Variants in MYO15B observed in about 807,000 individuals in gnomAD.
The protein encoded by MYO15B is myosin XVB pseudogene.
In MYO15B, 207 loss-of-function variants were observed where a neutral mutation model predicts 119.3. The observed-to-expected ratio is 1.73, with a 90% CI of 1.55 to 1.95. The LOEUF is 1.95. Among genes scored for constraint, MYO15B ranks in the 30% most tolerant of loss-of-function variants. The pLI, the probability that MYO15B is intolerant of heterozygous loss-of-function variation, is 0.00. For synonymous variants in MYO15B, 966 were observed against 498.9 expected (o/e 1.94, Z -12.48); for missense variants, 2,264 against 1,203.1 (o/e 1.88, Z -13.04).
intron 12 of MYO15B, among the ~76,000 whole-genome samples, chr17:75,596,216 G>C (rs1206503069): frequency 2.0e-5 from 3 of 152,198 alleles, no homozygotes; most frequent in Non-Finnish European, 2.9e-5. Flanking sequence ...GTGACAAGAG[G>C]CCCAAAGGCT....
chr17:75,614,218 C>A (rs752452488), exon 30 of MYO15B: 1 of 702,592 alleles, frequency 1.4e-6, no homozygotes, highest in South Asian at 1.5e-5. Flanking sequence ...GGCGCCTCCC[C>A]GGGGCTGGTC....
intron 6 of MYO15B, 26 bp downstream of exon 6, chr17:75,592,106 C>T (rs1262330686): frequency 5.7e-6 from 4 of 702,516 alleles, no homozygotes; most frequent in African/African-American, 1.7e-5. Context: ...GCAGGGGGCA[C>T]CTACAATCAC....
At chr17:75,621,404 C>A in exon 51 of MYO15B, 1 of 700,576 alleles carries the variant, frequency 1.4e-6, no homozygotes, top group Non-Finnish European at 2.6e-6. Flanking sequence ...GTGCAGTACA[C>A]CAAGGTGGGA....
chr17:75,601,984 C>G lies in MYO15B; in HGVS notation c.3651+421C>G, dbSNP rs375448020. On this transcript the variant is annotated intron_variant, in intron 15 of 63. Coordinates refer to ENST00000645453, the Ensembl canonical transcript of MYO15B. The stretch of plus-strand genomic sequence containing the variant: ...GGTGCTCACTGAATGGACTTCCCTT[C>G]CCCCTTCCGAGTTCTATGCCTACCA... 4.2e-4 allele frequency among the ~76,000 whole-genome samples: 64 copies of G among 152,252 alleles called. 1 individual carries two copies. Among genetic ancestry groups the G allele is most frequent in the African/African-American group, 1.4e-3 (59 of 41,540 alleles).
At chr17:75,599,034 C>T (rs1289585893) in intron 14 of MYO15B, among the ~76,000 whole-genome samples, 1 of 152,250 alleles carries the variant, frequency 6.6e-6, no homozygotes, top group East Asian at 1.9e-4. Flanking sequence ...AGTAAAATAA[C>T]GTCCAACTAA....
rs963508623 is a variant in MYO15B, at chr17:75,589,580, G to A, written c.1523G>A (p.Gly508Glu). ...CGCCTGGCTGGCTTAGCAGGGCTGGGGGGTATGCCGAGGGCTTCCCCTGGT... is the reference window on the plus strand; with the variant it reads ...CGCCTGGCTGGCTTAGCAGGGCTGGAGGGTATGCCGAGGGCTTCCCCTGGT... The change falls in exon 1 of 64, where the codon GGG (glycine) becomes GAG (glutamate). Residue 508 changes from glycine to glutamate, a missense_variant. Coordinates refer to ENST00000645453, the Ensembl canonical transcript of MYO15B. This position sits in a 1 kb window ranked among gnomAD's most constrained non-coding sequence, Gnocchi z 4.2. 1.5e-5 allele frequency: 6 copies of A among 398,914 alleles called. No homozygotes were observed. Among genetic ancestry groups the A allele is most frequent in the Admixed American group, 8.8e-5 (2 of 22,742 alleles). 24.7% of individuals were successfully genotyped at this position (398,914 alleles called of 1,614,324 possible).
chr17:75,605,922 C>G (rs746433916), exon 21 of MYO15B: 2 of 702,548 alleles, frequency 2.8e-6, no homozygotes, highest in Non-Finnish European at 5.2e-6. Context: ...CAGCAGCGCT[C>G]CCAGGCCCTG....
rs1199537114 is a variant in MYO15B, at chr17:75,589,223, G to T, written c.1166G>T (p.Arg389Leu). 3 of 400,688 alleles carry T rather than the reference G, an allele frequency of 7.5e-6. No homozygotes were observed. The allele number at this position is 400,688 out of a possible 1,614,324, so 24.8% of individuals were successfully genotyped here. A position where few individuals can be genotyped will look rare whatever the true frequency, so the allele number is the denominator to read the frequency against. ...CGGCGGCGGCTGCGGCTGCGGCGGCGGCCGCCAGAGGGCGAGGGGCAGGGT... is the reference window on the plus strand; with the variant it reads ...CGGCGGCGGCTGCGGCTGCGGCGGCTGCCGCCAGAGGGCGAGGGGCAGGGT... The change falls in exon 1 of 64, where the codon CGG becomes CTG. Residue 389 changes from arginine to leucine, a missense_variant. Physicochemically the swap from Arg to Leu is moderately radical, Grantham distance 102. Transcript: ENST00000645453. This position sits in a 1 kb window ranked among gnomAD's most constrained non-coding sequence, Gnocchi z 4.2.
intron 16 of MYO15B, 94 bp from the exon 17 acceptor site, chr17:75,602,736 G>C (rs2057364119): frequency 1.7e-6 from 1 of 604,254 alleles, no homozygotes; most frequent in Non-Finnish European, 2.9e-6. Context: ...GCCAGGGTCT[G>C]GATGCCGAGG....
At chr17:75,617,859 G>A (rs779770912) in exon 42 of MYO15B, 21 of 702,876 alleles carry the variant, frequency 3.0e-5, no homozygotes, top group South Asian at 4.4e-5. Flanking sequence ...AGCTACTCGC[G>A]CCCTCTGGCA....
intron 53 of MYO15B, among the ~76,000 whole-genome samples, chr17:75,623,399 C>T (rs761164593): frequency 6.6e-5 from 10 of 152,218 alleles, no homozygotes; most frequent in Admixed American, 3.3e-4. Context: ...GAGGCCAAGG[C>T]GGGTGGATCA....
At chr17:75,613,865 GGGA>G in intron 29 of MYO15B, 88 bp downstream of exon 29, 1 of 623,170 alleles carries the variant, frequency 1.6e-6, no homozygotes, top group Non-Finnish European at 2.9e-6. Context: ...CTCAGGGGCC[GGGA>G]GGAGAGGTGC....
At chr17:75,597,328 A>ACTGCCTCCTGC (rs1487542352) in intron 14 of MYO15B, among the ~76,000 whole-genome samples, 4 of 152,152 alleles carry the variant, frequency 2.6e-5, no homozygotes, top group East Asian at 1.9e-4. Flanking sequence ...ATGCTTTCTG[A>ACTGCCTCCTGC]CTGCCTCCTG....
At position 75,590,203 on chromosome 17, in the gene MYO15B, G is replaced by A. The variant is rs1262762481; in HGVS notation, c.2146G>A (p.Gly716Arg). ...CCCCGGTGCCAAGGGCAGGAGCCTC[G>A]GAGACGGCCTGGAAGACATGGAGGA... Residue 716 changes from glycine to arginine, a missense_variant, in exon 1 of 64, where the codon GGA becomes AGA. Coordinates refer to ENST00000645453, the Ensembl canonical transcript of MYO15B. 8 of 398,974 alleles carry A rather than the reference G, an allele frequency of 2.0e-5. No homozygotes were observed. In the Admixed American group the frequency reaches 2.2e-4, roughly 11 times the overall value. The allele number at this position is 398,974 out of a possible 1,614,324, so 24.7% of individuals were successfully genotyped here. A position where few individuals can be genotyped will look rare whatever the true frequency, so the allele number is the denominator to read the frequency against.
At chr17:75,613,628 T>C in intron 28 of MYO15B, 77 bp from the exon 29 acceptor site, 1 of 676,630 alleles carries the variant, frequency 1.5e-6, no homozygotes, top group East Asian at 2.7e-5. Flanking sequence ...GAAACTCTCA[T>C]GGGGACAGCA....
rs530674845 is a variant in MYO15B, at chr17:75,610,977, T to G, written c.4446+18T>G. ...CAAGCATGGTAGGTGGCCTGGAAAG[T>G]GGGGGGTTTTACATGGGGCTATGAA... On this transcript the variant is annotated intron_variant, in intron 23 of 63. Coordinates refer to ENST00000645453, the Ensembl canonical transcript of MYO15B. The G allele has an allele frequency of 1.0e-5, 7 of 702,548 alleles. No homozygotes were observed. Among genetic ancestry groups the G allele is most frequent in the South Asian group, 4.4e-5 (3 of 67,582 alleles). 43.5% of individuals were successfully genotyped at this position (702,548 alleles called of 1,614,324 possible).
At chr17:75,616,017 C>T (rs532771251) in intron 36 of MYO15B, 52 bp from the exon 37 acceptor site, 39 of 585,022 alleles carry the variant, frequency 6.7e-5, no homozygotes, top group African/African-American at 5.0e-4. Flanking sequence ...AGGGGTGTGG[C>T]GAGTGTGGCA....
chr17:75,620,902 C>T (rs777651508), intron 49 of MYO15B, 129 bp from the exon 50 acceptor site: 1 of 702,190 alleles, frequency 1.4e-6, no homozygotes. Flanking sequence ...GCTTAATAAA[C>T]AGCTCTTCAC....
At chr17:75,621,677 A>G in intron 52 of MYO15B, 107 bp downstream of exon 52, 1 of 631,790 alleles carries the variant, frequency 1.6e-6, no homozygotes, top group Non-Finnish European at 2.9e-6. Context: ...CCAGTCTGCC[A>G]ACTCCGGGAA....
Sources: gnomAD v4.1 joint callset for allele counts (sites outside exome capture counted in the v4.1 genomes callset) on GRCh38, gnomAD v4.1.1 for gene constraint, Gnocchi (gnomAD v3.1) non-coding constraint, MANE v1.5 for transcripts, NCBI Gene and HGNC (gene_info 2026-07-23, HGNC 2026-07-21) for gene names.